SCN9A: variants seen among roughly 807,000 people sequenced by gnomAD.
The protein encoded by SCN9A is sodium channel protein type 9 subunit alpha.
Under a neutral mutation model 187.0 loss-of-function variants are expected in SCN9A, and 131 were observed. That is an observed-to-expected ratio of 0.70 (90% confidence interval 0.61 to 0.81). The LOEUF (loss-of-function observed/expected upper bound fraction) is 0.81, where lower values mean the gene tolerates loss of function less well. Ranked by LOEUF, SCN9A falls within the 30% of genes least tolerant of loss-of-function variation. The probability of loss-of-function intolerance (pLI) is 0.00; values close to 1 mark genes in which losing one functional copy is unlikely to be tolerated. For missense variants in SCN9A, 2,252 were observed against 2,396.6 expected (o/e 0.94, Z 1.26); for synonymous variants, 809 against 808.6 (o/e 1.00, Z -0.01).
chr2:166,231,306 G>T (rs2106391552), intron 21 of SCN9A, among the ~76,000 whole-genome samples: 1 of 152,268 alleles, frequency 6.6e-6, no homozygotes, highest in East Asian at 1.9e-4. Flanking sequence ...GAATATTTTT[G>T]AATTGTGCTT....
Position 166,204,384 on chromosome 2 carries a change from T to G in SCN9A, c.4479A>C (p.Pro1493=), listed in dbSNP as rs1223830877. 1 of 1,609,834 alleles carries G rather than the reference T, an allele frequency of 6.2e-7. No individual in the cohort carries two copies. Among genetic ancestry groups the G allele is most frequent in the East Asian group, 2.2e-5 (1 of 44,706 alleles). Residue 1493 remains proline, a synonymous_variant, in exon 25 of 27, where the codon CCA becomes CCC. Transcript: ENST00000642356. ...NAMKKLGSKK[P]QKPIPRPGNK... ...CCCCTGGTCGAGGAATTGGCTTTTG[T>G]GGCTTCTTGGACCCCAGCTTTTTCA...
chr2:166,198,527 T>G lies in SCN9A; in HGVS notation c.*145A>C. ...AACCATCTGCTAATGCTGCCCACCT[T>G]TCTTAGGAAATCAGAGTTAGTGACT... On this transcript the variant is annotated 3_prime_UTR_variant, in exon 27 of 27. Transcript: ENST00000642356. The G allele has an allele frequency of 1.6e-6, 1 of 629,642 alleles. No homozygotes were observed. Among genetic ancestry groups the G allele is most frequent in the Non-Finnish European group, 2.7e-6 (1 of 368,012 alleles). 39.0% of individuals were successfully genotyped at this position (629,642 alleles called of 1,614,324 possible).
Position 166,276,904 on chromosome 2 carries a change from A to G in SCN9A, c.2874+79T>C, listed in dbSNP as rs945574499. 124 of 1,065,056 alleles carry G rather than the reference A, an allele frequency of 1.2e-4. 2 individuals are homozygous for G. Among genetic ancestry groups the G allele is most frequent in the Non-Finnish European group, 2.8e-5 (22 of 784,502 alleles). 66.0% of individuals were successfully genotyped at this position (1,065,056 alleles called of 1,614,324 possible). On this transcript the variant is annotated intron_variant, in intron 16 of 26. Transcript: ENST00000642356. Reference sequence around the variant, plus strand: ...AATTGTAGATATAATTAATTATAAAATTATAAAAATAATAGATCACATCAT... The same window carrying G: ...AATTGTAGATATAATTAATTATAAAGTTATAAAAATAATAGATCACATCAT...
intron 1 of SCN9A, among the ~76,000 whole-genome samples, chr2:166,371,494 G>A (rs1700562271): frequency 6.6e-6 from 1 of 152,158 alleles, no homozygotes; most frequent in African/African-American, 2.4e-5. Flanking sequence ...GCAAGGCAGA[G>A]GAAAGGGTAA....
At chr2:166,217,531 C>T (rs986871985) in intron 24 of SCN9A, among the ~76,000 whole-genome samples, 4 of 151,944 alleles carry the variant, frequency 2.6e-5, no homozygotes, top group African/African-American at 9.7e-5. Context: ...AATCAATAAA[C>T]CAATTGTAGA....
chr2:166,312,553 G>T (rs1574914548), intron 1 of SCN9A, among the ~76,000 whole-genome samples: 4 of 152,002 alleles, frequency 2.6e-5, no homozygotes, highest in African/African-American at 9.7e-5. Flanking sequence ...ATAACATCTA[G>T]AATGGTGAAT....
chr2:166,348,501 T>A (rs893875048), intron 1 of SCN9A, among the ~76,000 whole-genome samples: 1 of 152,196 alleles, frequency 6.6e-6, no homozygotes. Flanking sequence ...CTTTATCTTT[T>A]ATCTGTACTA....
intron 18 of SCN9A, among the ~76,000 whole-genome samples, chr2:166,243,296 C>A (rs1695646090): frequency 6.6e-6 from 1 of 152,046 alleles, no homozygotes; most frequent in Non-Finnish European, 1.5e-5. Flanking sequence ...TTAACGCATT[C>A]TTTTGTCCAT....
At chr2:166,374,836 T>C (rs1168938079) in intron 1 of SCN9A, among the ~76,000 whole-genome samples, 3 of 152,066 alleles carry the variant, frequency 2.0e-5, no homozygotes, top group African/African-American at 7.2e-5. Context: ...TTACTGACAC[T>C]AGCTTCTTAA....
chr2:166,217,487 T>C (rs368811534), intron 24 of SCN9A, among the ~76,000 whole-genome samples: 21 of 151,946 alleles, frequency 1.4e-4, no homozygotes, highest in Admixed American at 1.4e-3. Context: ...TCCAACATTA[T>C]ACATAAAAAG....
chr2:166,265,662 A>T (rs1696701451), intron 17 of SCN9A, among the ~76,000 whole-genome samples: 1 of 151,994 alleles, frequency 6.6e-6, no homozygotes, highest in Admixed American at 6.6e-5. Flanking sequence ...TAATGGTGGT[A>T]CTAATTTACA....
chr2:166,250,734 C>CT (rs1558982935), intron 18 of SCN9A, among the ~76,000 whole-genome samples: 1 of 152,024 alleles, frequency 6.6e-6, no homozygotes, highest in African/African-American at 2.4e-5. Flanking sequence ...AAACAAGAGA[C>CT]TAAGGCCAAA....
intron 1 of SCN9A, among the ~76,000 whole-genome samples, chr2:166,322,790 T>C (rs1699275686): frequency 6.6e-6 from 1 of 152,178 alleles, no homozygotes. Flanking sequence ...GTAGTGAGTC[T>C]AGGACAAGTT....
rs1306352696 is a variant in SCN9A, at chr2:166,311,568, A to G, written c.189T>C (p.Tyr63=). The change falls in exon 2 of 27, where the codon TAT becomes TAC. Residue 63 remains tyrosine (Y), a synonymous_variant. Coordinates refer to ENST00000642356, the MANE Select transcript of SCN9A (RefSeq NM_001365536.1). ...ACACCATGCCGGGAGGAATGTCCCC[A>G]TAGATGAAGGGCAGCTGTTTGCCAG... The part of the protein sequence containing the change: ...LEAGKQLPFI[Y]GDIPPGMVSE... 3 of 1,613,234 alleles carry G rather than the reference A, an allele frequency of 1.9e-6. No homozygotes were observed. The highest frequency in any genetic ancestry group is 2.2e-5 in the East Asian group (1 of 44,814).
intron 1 of SCN9A, among the ~76,000 whole-genome samples, chr2:166,366,437 G>T (rs1700418899): frequency 6.6e-6 from 1 of 151,928 alleles, no homozygotes; most frequent in East Asian, 1.9e-4. Flanking sequence ...TGATCATTTG[G>T]GTTGTTTTCA....
At chr2:166,286,180 A>C (rs1484699523) in intron 11 of SCN9A, among the ~76,000 whole-genome samples, 156 bp downstream of exon 11, 1 of 152,178 alleles carries the variant, frequency 6.6e-6, no homozygotes, top group Non-Finnish European at 1.5e-5. Context: ...ACCTGTGTAC[A>C]TCTTTCCATA....
chr2:166,232,640 G>A (rs901192283), intron 21 of SCN9A, among the ~76,000 whole-genome samples: 2 of 151,458 alleles, frequency 1.3e-5, no homozygotes, highest in African/African-American at 4.8e-5. Flanking sequence ...TCACTCATTT[G>A]GATCATTCTA....
At chr2:166,362,153 T>C (rs1191054772) in intron 1 of SCN9A, among the ~76,000 whole-genome samples, 1 of 151,984 alleles carries the variant, frequency 6.6e-6, no homozygotes, top group Non-Finnish European at 1.5e-5. Context: ...GTTTGAGGAG[T>C]CTAAAGGAAC....
In SCN9A at chr2:166,303,279, A is replaced by G; in HGVS notation, c.712T>C (p.Leu238=). 6.2e-7 allele frequency: 1 copy of G among 1,613,516 alleles called. No homozygotes were observed. The highest frequency in any genetic ancestry group is 8.5e-7 in the Non-Finnish European group (1 of 1,179,644). Residue 238 remains leucine, a synonymous_variant, in exon 7 of 27, where the codon TTG becomes CTG. Coordinates refer to ENST00000642356, the MANE Select transcript of SCN9A (RefSeq NM_001365536.1). ...IPGLKTIVGA[L]IQSVKKLSDV... ...GAAAGCTTCTTCACTGACTGGATCA[A>G]AGCCCCTACAATTGTCTTCAGGCCT...
Sources: allele counts gnomAD v4.1 joint callset (sites outside exome capture counted in the v4.1 genomes callset), GRCh38; gene constraint gnomAD v4.1.1; transcripts MANE v1.5; gene names NCBI Gene and HGNC (gene_info 2026-07-23, HGNC 2026-07-21).